Variants in FOSB observed in about 807,000 individuals in gnomAD.
FOSB encodes protein FosB.
Under a neutral mutation model 31.1 loss-of-function variants are expected in FOSB, and 8 were observed. The observed-to-expected ratio is 0.26, with a 90% CI of 0.15 to 0.46. The LOEUF (loss-of-function observed/expected upper bound fraction) is 0.46, where lower values mean the gene tolerates loss of function less well. Among genes scored for constraint, FOSB ranks in the 20% least tolerant of loss-of-function variants. The pLI is 0.99. For missense variants in FOSB, 376 were observed against 460.6 expected, an observed-to-expected ratio of 0.82 and a Z score of 1.68; for synonymous variants, 214 against 206.1, an observed-to-expected ratio of 1.04 and a Z score of -0.33.
At chr19:45,471,602 A>C in intron 3 of FOSB, 4 of 256,396 alleles carry the variant, frequency 1.6e-5, no homozygotes, top group Non-Finnish European at 3.0e-5. Flanking sequence ...CATTTCTCCC[A>C]TCTGGTCTTC....
Position 45,473,063 on chromosome 19 carries a change from A to AGAGGAG in FOSB, c.*64_*69dup. The AGAGGAG allele has an allele frequency of 1.3e-6, 2 of 1,519,152 alleles. No homozygotes were observed. The highest frequency in any genetic ancestry group is 1.2e-5 in the South Asian group (1 of 85,194). 94.1% of individuals were successfully genotyped at this position (1,519,152 alleles called of 1,614,324 possible). A position where few individuals can be genotyped will look rare whatever the true frequency, so the allele number is the denominator to read the frequency against. On this transcript the variant is annotated 3_prime_UTR_variant, in exon 4 of 4. Transcript: ENST00000353609. ...AACACATGGGGGAGAGAGACTTGGA[A>AGAGGAG]GAGGAGGAGGAGGAGGAGAAGGAGG... is the stretch of plus-strand genomic sequence containing the variant.
chr19:45,470,378 A>T (rs773364645), intron 1 of FOSB: 141 of 525,288 alleles, frequency 2.7e-4, no homozygotes, highest in Non-Finnish European at 4.4e-4. Flanking sequence ...CACCCGCTGG[A>T]ACCGTGCAAC....
chr19:45,470,495 T>C, intron 1 of FOSB, 134 bp from the exon 2 acceptor site: 2 of 883,350 alleles, frequency 2.3e-6, no homozygotes, highest in Admixed American at 2.3e-5. Flanking sequence ...GCTTTTTCCC[T>C]GTGACACACA....
In FOSB at chr19:45,470,824, G is replaced by A. The variant is rs1341719955; in HGVS notation, c.322G>A (p.Gly108Ser). Residue 108 changes from glycine (G) to serine (S), a missense_variant, in exon 2 of 4, where the codon GGC (glycine) becomes AGC (serine). Transcript: ENST00000353609. Reference sequence around the variant, plus strand: ...GCCGGGAACCAGCTACTCCACACCAGGCATGAGTGGCTACAGCAGTGGCGG... The same window carrying A: ...GCCGGGAACCAGCTACTCCACACCAAGCATGAGTGGCTACAGCAGTGGCGG... Reference protein sequence around the residue: ...DMPGTSYSTPGMSGYSSGGAS... With the variant: ...DMPGTSYSTPSMSGYSSGGAS... 6.2e-7 allele frequency: 1 copy of A among 1,614,112 alleles called. No individual in the cohort carries two copies.
At chr19:45,471,853 C>T (rs1177662512) in intron 3 of FOSB, 1 of 153,276 alleles carries the variant, frequency 6.5e-6, no homozygotes, top group African/African-American at 2.4e-5. Flanking sequence ...GCTGTTACTC[C>T]TTGAGGGAAC....
rs1327770566 is a variant in FOSB, at chr19:45,471,328, G to C, written c.555+27G>C. 3 of 1,489,890 alleles carry C rather than the reference G, an allele frequency of 2.0e-6. No individual in the cohort carries two copies. In the East Asian group the frequency reaches 7.4e-5, roughly 37 times the overall value. 92.3% of individuals were successfully genotyped at this position (1,489,890 alleles called of 1,614,324 possible). ...TGAGGACAGGCCCTGGGGTGGGAGA[G>C]GGGATGTTGAGGGGAGCTCTCTCCC... is the stretch of plus-strand genomic sequence containing the variant. On this transcript the variant is annotated intron_variant, in intron 3 of 3. Transcript: ENST00000353609.
Position 45,471,327 on chromosome 19 carries a change from AG to A in FOSB, c.555+30del, listed in dbSNP as rs537914250. On this transcript the variant is annotated intron_variant, in intron 3 of 3. Coordinates refer to ENST00000353609, the MANE Select transcript of FOSB (RefSeq NM_006732.3). Reference sequence around the variant, plus strand: ...GTGAGGACAGGCCCTGGGGTGGGAGAGGGGATGTTGAGGGGAGCTCTCTCCC... The same window carrying A: ...GTGAGGACAGGCCCTGGGGTGGGAGAGGGATGTTGAGGGGAGCTCTCTCCC... The A allele has an allele frequency of 2.1e-4, 312 of 1,504,040 alleles. No individual in the cohort carries two copies. In the African/African-American group the frequency reaches 3.8e-3, roughly 18 times the overall value. The allele number at this position is 1,504,040 out of a possible 1,614,324, so 93.2% of individuals were successfully genotyped here. A position where few individuals can be genotyped will look rare whatever the true frequency, so the allele number is the denominator to read the frequency against.
chr19:45,471,496 T>TTCC lies in FOSB; in HGVS notation c.555+195_555+196insTCC, dbSNP rs554075650. ...CCCATGGACTTAAGTCAACTCCTGG[T>TTCC]CCCCCCCCCATTTCCTGACCCCACG... On this transcript the variant is annotated intron_variant, in intron 3 of 3. Transcript: ENST00000353609. The TTCC allele has an allele frequency of 5.0e-5, 19 of 377,124 alleles. No homozygotes were observed. The East Asian group carries it at 5.8e-4, about 12-fold the overall frequency. 23.4% of individuals were successfully genotyped at this position (377,124 alleles called of 1,614,324 possible).
chr19:45,469,070 G>T (rs1967523199), intron 1 of FOSB, among the ~76,000 whole-genome samples: 1 of 152,248 alleles, frequency 6.6e-6, no homozygotes, highest in South Asian at 2.1e-4. Context: ...CAGTTAGGCA[G>T]GTGGGGGAAA....
chr19:45,473,179 G>C lies in FOSB; in HGVS notation c.*167G>C, dbSNP rs1967743824. The C allele has an allele frequency of 3.1e-6, 2 of 639,316 alleles. No homozygotes were observed. The highest frequency in any genetic ancestry group is 1.9e-5 in the South Asian group (1 of 52,098). 39.6% of individuals were successfully genotyped at this position (639,316 alleles called of 1,614,324 possible). On this transcript the variant is annotated 3_prime_UTR_variant, in exon 4 of 4. Transcript: ENST00000353609. ...CCACTGCGCCACTGCCATCGGACAG[G>C]AGGATTCCTTGTGTTTTGTCCTGCC...
intron 1 of FOSB, chr19:45,469,972 T>A (rs945986283): frequency 6.6e-6 from 1 of 152,404 alleles, no homozygotes. Flanking sequence ...TCCCGCACCA[T>A]TCCCCCTCCG....
chr19:45,471,310 AGG>A lies in FOSB; in HGVS notation c.555+10_555+11del. On this transcript the variant is annotated intron_variant, in intron 3 of 3. Transcript: ENST00000353609. ...CCGACCGACTCCAGGCGGTGAGGACAGGCCCTGGGGTGGGAGAGGGGATGTTG... is the reference window on the plus strand; with the variant it reads ...CCGACCGACTCCAGGCGGTGAGGACACCCTGGGGTGGGAGAGGGGATGTTG... The A allele has an allele frequency of 6.5e-7, 1 of 1,548,664 alleles. No homozygotes were observed. Among genetic ancestry groups the A allele is most frequent in the Non-Finnish European group, 8.7e-7 (1 of 1,142,962 alleles).
intron 1 of FOSB, among the ~76,000 whole-genome samples, chr19:45,469,281 G>T (rs1267090317): frequency 1.3e-5 from 2 of 152,210 alleles, no homozygotes; most frequent in Non-Finnish European, 2.9e-5. Flanking sequence ...CGCGGGGCAC[G>T]CACGGCGCGC....
In FOSB at chr19:45,472,958, C is replaced by A. The variant is rs1307267206; in HGVS notation, c.963C>A (p.Ser321Arg). The A allele has an allele frequency of 6.2e-7, 1 of 1,613,258 alleles. No homozygotes were observed. Among genetic ancestry groups the A allele is most frequent in the South Asian group, 1.1e-5 (1 of 91,082 alleles). ...CGTTCGCCGGCGCCCAACGCACCAG[C>A]GGCAGTGACCAGCCTTCCGATCCCC... ...VSAFAGAQRT[S>R]GSDQPSDPLN... The change falls in exon 4 of 4, where the codon AGC (serine) becomes AGA (arginine). Residue 321 changes from serine to arginine, a missense_variant. This residue lies in a region of FOSB where 148 missense variants were observed against 170.0 expected (regional missense o/e 0.87). Transcript: ENST00000353609. This position sits in a 1 kb window ranked among gnomAD's most constrained non-coding sequence, Gnocchi z 5.4.
At chr19:45,471,004 A>G (rs761991824) in intron 2 of FOSB, 55 bp downstream of exon 2, 1 of 1,566,652 alleles carries the variant, frequency 6.4e-7, no homozygotes, top group Admixed American at 1.7e-5. Flanking sequence ...GAGAGGCAGG[A>G]AGTTTCTTAT....
Position 45,468,649 on chromosome 19 carries a change from C to G in FOSB, c.63C>G (p.Ala21=), listed in dbSNP as rs772945206. The G allele has an allele frequency of 2.5e-6, 4 of 1,613,686 alleles. No individual in the cohort carries two copies. The highest frequency in any genetic ancestry group is 3.4e-6 in the Non-Finnish European group (4 of 1,179,870). ...SGSRCSSSPS[A]ESQYLSSVDS... is the part of the protein sequence containing the mutation. ...CCCGGTGCAGCTCCTCACCCTCTGC[C>G]GAGTCTCAATATCTGTCTTCGGTGG... The change falls in exon 1 of 4, where the codon GCC becomes GCG. Residue 21 remains alanine (A), a synonymous_variant. Coordinates refer to ENST00000353609, the MANE Select transcript of FOSB (RefSeq NM_006732.3). This position sits in a 1 kb window ranked among gnomAD's most constrained non-coding sequence, Gnocchi z 4.8.
In FOSB at chr19:45,468,711, A is replaced by G; in HGVS notation, c.125A>G (p.Gln42Arg). 6.2e-7 allele frequency: 1 copy of G among 1,601,522 alleles called. No individual in the cohort carries two copies. Among genetic ancestry groups the G allele is most frequent in the Non-Finnish European group, 8.5e-7 (1 of 1,176,494 alleles). Residue 42 changes from glutamine to arginine, a missense_variant and splice_region_variant, in exon 1 of 4, where the codon CAG becomes CGG. Gln to Arg is a conservative substitution (Grantham distance 43). Coordinates refer to ENST00000353609, the MANE Select transcript of FOSB (RefSeq NM_006732.3). This position sits in a 1 kb window ranked among gnomAD's most constrained non-coding sequence, Gnocchi z 4.8. Reference protein sequence around the residue: ...FGSPPTAAASQECAGLGEMPG... With the variant: ...FGSPPTAAASRECAGLGEMPG... ...AGTCCACCCACCGCCGCCGCCTCCC[A>G]GGTAAGTTTTTGATAGTAGGGGTGC...
chr19:45,468,535 G>A lies in FOSB; in HGVS notation c.-52G>A. 1.3e-6 allele frequency: 2 copies of A among 1,567,720 alleles called. No homozygotes were observed. Among genetic ancestry groups the A allele is most frequent in the East Asian group, 2.3e-5 (1 of 43,940 alleles). ...ACTTCCCCAACCCGGCCATAGCCTTGGCTTCCCGGCGACCTCAGCGTGGTC... is the reference window on the plus strand; with the variant it reads ...ACTTCCCCAACCCGGCCATAGCCTTAGCTTCCCGGCGACCTCAGCGTGGTC... On this transcript the variant is annotated 5_prime_UTR_variant, in exon 1 of 4. Transcript: ENST00000353609. The surrounding 1 kb of genome is among the most constrained non-coding windows in gnomAD (Gnocchi z 4.8).
rs772853757 is a variant in FOSB, at chr19:45,474,239, G to A, written c.*1227G>A. 1 of 152,032 alleles carries A rather than the reference G, an allele frequency of 6.6e-6. No homozygotes were observed. Among genetic ancestry groups the A allele is most frequent in the Non-Finnish European group, 1.5e-5 (1 of 67,980 alleles). The allele number at this position is 152,032 out of a possible 1,614,324, so 9.4% of individuals were successfully genotyped here. On this transcript the variant is annotated 3_prime_UTR_variant, in exon 4 of 4. Transcript: ENST00000353609. Reference sequence around the variant, plus strand: ...GAGTGAGGGGCTGTGACATTTTTCCGGAGAAGATTTCAGAGCTGAGGCTTT... The same window carrying A: ...GAGTGAGGGGCTGTGACATTTTTCCAGAGAAGATTTCAGAGCTGAGGCTTT...
Sources: allele counts gnomAD v4.1 joint callset (sites outside exome capture counted in the v4.1 genomes callset), GRCh38; gene constraint gnomAD v4.1.1; regional missense constraint gnomAD v4.1.1; non-coding constraint Gnocchi (gnomAD v3.1); transcripts MANE v1.5; gene names NCBI Gene and HGNC (gene_info 2026-07-23, HGNC 2026-07-21).